SCARB2: variants seen among roughly 807,000 people sequenced by gnomAD.
The protein encoded by SCARB2 is lysosome membrane protein 2.
Under a neutral mutation model 58.6 loss-of-function variants are expected in SCARB2, and 29 were observed. That is an observed-to-expected ratio of 0.49 (90% CI 0.37 to 0.67). The LOEUF is 0.67. Ranked by LOEUF, SCARB2 falls within the 30% of genes least tolerant of loss-of-function variation. The probability of loss-of-function intolerance (pLI) is 0.00; values close to 1 mark genes in which losing one functional copy is unlikely to be tolerated. For missense variants in SCARB2, 488 were observed against 578.5 expected, an observed-to-expected ratio of 0.84 and a Z score of 1.60; for synonymous variants, 195 against 210.1, an observed-to-expected ratio of 0.93 and a Z score of 0.62.
At chr4:76,179,191 T>C in intron 4 of SCARB2, 1 of 349,616 alleles carries the variant, frequency 2.9e-6, no homozygotes, top group Non-Finnish European at 5.5e-6. Context: ...GTAGGTGAGA[T>C]TACAGGTGTA....
intron 7 of SCARB2, chr4:76,173,208 C>G (rs1398241787): frequency 1.3e-5 from 2 of 152,172 alleles, no homozygotes; most frequent in African/African-American, 2.4e-5. Flanking sequence ...GTAGCTCTGA[C>G]ATTAAGAAAC....
chr4:76,213,426 CCTT>C lies in SCARB2; in HGVS notation c.115_117del (p.Lys40del). On this transcript the variant is annotated inframe_deletion and splice_region_variant, in exon 1 of 12. Coordinates refer to ENST00000264896, the MANE Select transcript of SCARB2 (RefSeq NM_005506.4). ...CACACACACAGCCCGCCCCGCCTCA[CCTT>C]CTCGATACTCTGGTCTACAGCCTTC... 1.2e-6 allele frequency: 2 copies of C among 1,604,446 alleles called. No homozygotes were observed. Among genetic ancestry groups the C allele is most frequent in the Non-Finnish European group, 1.7e-6 (2 of 1,173,216 alleles).
At chr4:76,228,009 C>T (rs1733427934) in intron 1 of SCARB2, among the ~76,000 whole-genome samples, 1 of 152,006 alleles carries the variant, frequency 6.6e-6, no homozygotes, top group Non-Finnish European at 1.5e-5. Context: ...TTAAGTGGAA[C>T]ATTTAGGCCA....
At chr4:76,187,199 T>G (rs1235315078) in intron 2 of SCARB2, among the ~76,000 whole-genome samples, 1 of 151,700 alleles carries the variant, frequency 6.6e-6, no homozygotes, top group East Asian at 1.9e-4. Flanking sequence ...TTGAAGGGAG[T>G]AAGACTTTTA....
chr4:76,196,395 G>GGGTA (rs1444712819), intron 1 of SCARB2, among the ~76,000 whole-genome samples: 3 of 152,156 alleles, frequency 2.0e-5, no homozygotes, highest in Non-Finnish European at 2.9e-5. Context: ...TGTAAAGGAA[G>GGGTA]GGTACTAAAG....
At position 76,163,321 on chromosome 4, in the gene SCARB2, G is replaced by C. The variant is rs1035540343; in HGVS notation, c.1302C>G (p.Ile434Met). The change falls in exon 11 of 12, where the codon ATC becomes ATG. Residue 434 changes from isoleucine to methionine, a missense_variant. By Grantham distance (10) the Ile-to-Met change is conservative. Transcript: ENST00000264896. ...RLKSMINTTL[I>M]ITNIPYIIMA... Reference sequence around the variant, plus strand: ...TGATGATGTAGGGTATGTTGGTGATGATCAAAGTAGTGTTAATCATAGACT... The same window carrying C: ...TGATGATGTAGGGTATGTTGGTGATCATCAAAGTAGTGTTAATCATAGACT... The C allele has an allele frequency of 1.1e-5, 18 of 1,614,080 alleles. No homozygotes were observed. Among genetic ancestry groups the C allele is most frequent in the African/African-American group, 4.0e-5 (3 of 74,926 alleles).
In SCARB2 at chr4:76,174,171, C is replaced by T. The variant is rs2109941801; in HGVS notation, c.967G>A (p.Val323Ile). 1 of 1,614,098 alleles carries T rather than the reference C, an allele frequency of 6.2e-7. No homozygotes were observed. The highest frequency in any genetic ancestry group is 8.5e-7 in the Non-Finnish European group (1 of 1,180,024). ...IPEGNCLGSG[V>I]LNVSICKNGA... ...TTCTTGCAGATGCTGACATTCAGAA[C>T]TCCTGAGCCCAGGCAGTTTCCCTCA... Residue 323 changes from valine to isoleucine, a missense_variant, in exon 7 of 12, where the codon GTT becomes ATT. By Grantham distance (29) the Val-to-Ile change is conservative (BLOSUM62 3). Coordinates refer to ENST00000264896, the MANE Select transcript of SCARB2 (RefSeq NM_005506.4).
chr4:76,228,298 G>A (rs1733434179), intron 1 of SCARB2, among the ~76,000 whole-genome samples: 1 of 151,944 alleles, frequency 6.6e-6, no homozygotes, highest in African/African-American at 2.4e-5. Flanking sequence ...TGGCCAACAT[G>A]GTGAAACCCC....
intron 6 of SCARB2, chr4:76,174,733 G>A (rs1732211943): frequency 4.1e-6 from 1 of 242,786 alleles, no homozygotes; most frequent in South Asian, 5.1e-5. Flanking sequence ...TGGCCTCGTA[G>A]GGTCTTAGGC....
chr4:76,224,877 G>A (rs1264588316), intron 1 of SCARB2, among the ~76,000 whole-genome samples: 1 of 152,068 alleles, frequency 6.6e-6, no homozygotes, highest in Admixed American at 6.6e-5. Flanking sequence ...GGTATCCAAT[G>A]TGTAGTCTTT....
intron 10 of SCARB2, chr4:76,165,938 C>T (rs1731999996): frequency 2.1e-6 from 1 of 478,028 alleles, no homozygotes; most frequent in Non-Finnish European, 3.8e-6. Flanking sequence ...TGAGCTATTT[C>T]CCTGCTTCAA....
chr4:76,208,846 G>C (rs991982300), intron 1 of SCARB2, among the ~76,000 whole-genome samples: 5 of 152,212 alleles, frequency 3.3e-5, no homozygotes, highest in African/African-American at 1.2e-4. Flanking sequence ...TGTAGCATGA[G>C]AGGTGAGGGA....
intron 1 of SCARB2, among the ~76,000 whole-genome samples, chr4:76,233,374 C>G (rs1418408824): frequency 1.3e-5 from 2 of 152,190 alleles, no homozygotes; most frequent in African/African-American, 4.8e-5. Context: ...TGCATCTGAC[C>G]TGCATTATGC....
At chr4:76,216,595 A>C (rs575520144), upstream of SCARB2, among the ~76,000 whole-genome samples, 46 of 152,330 alleles carry the variant, frequency 3.0e-4, no homozygotes, top group South Asian at 9.3e-3. Context: ...ATGGAGACAA[A>C]TTTGATAAAT....
intron 1 of SCARB2, among the ~76,000 whole-genome samples, chr4:76,198,821 C>A (rs17001627): frequency 0.022 from 3,326 of 150,090 alleles, 136 homozygotes; most frequent in African/African-American, 0.078. Context: ...CAGAGTAGAT[C>A]ACGTGCTGGA....
At chr4:76,227,196 T>C (rs1163146071) in intron 1 of SCARB2, among the ~76,000 whole-genome samples, 2 of 152,244 alleles carry the variant, frequency 1.3e-5, no homozygotes, top group African/African-American at 4.8e-5. Context: ...CCACTTTTGC[T>C]GTGTGCCAGA....
chr4:76,213,337 T>C (rs919664914), intron 1 of SCARB2, 90 bp downstream of exon 1: 3 of 886,612 alleles, frequency 3.4e-6, no homozygotes, highest in Non-Finnish European at 5.6e-6. Flanking sequence ...TCTGCCTGAG[T>C]GCTGGTCTTT....
At chr4:76,221,943 C>T (rs1733316515) in intron 1 of SCARB2, among the ~76,000 whole-genome samples, 1 of 152,214 alleles carries the variant, frequency 6.6e-6, no homozygotes, top group South Asian at 2.1e-4. Context: ...ATTCCTTAAT[C>T]TATGCCACAT....
intron 7 of SCARB2, among the ~76,000 whole-genome samples, chr4:76,170,314 A>G (rs1362785857): frequency 6.6e-6 from 1 of 152,194 alleles, no homozygotes; most frequent in Non-Finnish European, 1.5e-5. Context: ...ACAGCCCAGT[A>G]AAGTCAGAAC....
Sources: allele counts gnomAD v4.1 joint callset (sites outside exome capture counted in the v4.1 genomes callset), GRCh38; gene constraint gnomAD v4.1.1; transcripts MANE v1.5; gene names NCBI Gene and HGNC (gene_info 2026-07-23, HGNC 2026-07-21).